The following DNASE1 variants were observed in gnomAD, a reference collection of about 807,000 sequenced individuals.
DNASE1 encodes deoxyribonuclease 1, also known as deoxyribonuclease-1.
DNASE1 carries 40 observed loss-of-function variants against 33.9 expected under a neutral mutation model. The observed-to-expected ratio is 1.18, with a 90% CI of 0.92 to 1.54. DNASE1 has a LOEUF of 1.54. DNASE1 is among the 40% of genes most tolerant of loss of function. DNASE1 has a pLI of 0.00. For missense variants in DNASE1, 518 were observed against 372.6 expected (o/e 1.39, Z -3.21); for synonymous variants, 216 against 160.0 (o/e 1.35, Z -2.64).
At chr16:3,616,245 A>T (rs896882091) in intron 1 of DNASE1, among the ~76,000 whole-genome samples, 1 of 152,168 alleles carries the variant, frequency 6.6e-6, no homozygotes, top group Non-Finnish European at 1.5e-5. Flanking sequence ...ACTCCCCCCA[A>T]AGCATCTACC....
intron 1 of DNASE1, among the ~76,000 whole-genome samples, chr16:3,646,214 TG>T (rs960520009): frequency 5.9e-5 from 9 of 151,512 alleles, no homozygotes; most frequent in South Asian, 2.1e-4. Context: ...GGTTTTTCTC[TG>T]GGGGGGGTCT....
chr16:3,654,851 C>G lies in DNASE1; in HGVS notation c.-195C>G. The G allele has an allele frequency of 2.5e-6, 1 of 407,262 alleles. No homozygotes were observed. Among genetic ancestry groups the G allele is most frequent in the Non-Finnish European group, 4.3e-6 (1 of 231,852 alleles). The allele number at this position is 407,262 out of a possible 1,614,324, so 25.2% of individuals were successfully genotyped here. The stretch of plus-strand genomic sequence containing the variant: ...CACAGCTGCCTGAACTTTTAAAACT[C>G]CCAGACACGCACTGCCTGTGCAGGA... On this transcript the variant is annotated 5_prime_UTR_variant, in exon 1 of 9. Coordinates refer to ENST00000246949, the MANE Select transcript of DNASE1 (RefSeq NM_005223.4).
downstream of DNASE1, chr16:3,658,627 C>A (rs150401264): frequency 3.5e-3 from 2,282 of 660,740 alleles, 37 homozygotes; most frequent in African/African-American, 0.036. Flanking sequence ...GAGCCAAGAT[C>A]GCGCCACTGC....
intron 1 of DNASE1, among the ~76,000 whole-genome samples, chr16:3,648,036 C>T (rs909359552): frequency 6.6e-6 from 1 of 152,046 alleles, no homozygotes; most frequent in Non-Finnish European, 1.5e-5. Flanking sequence ...GGCATGGTGG[C>T]GCACATCCGT....
downstream of DNASE1, chr16:3,661,930 C>G: frequency 6.6e-7 from 1 of 1,526,538 alleles, no homozygotes. Context: ...AAAAGAACAC[C>G]ACACACAGGA....
At chr16:3,643,509 T>C (rs1349513598) in intron 1 of DNASE1, among the ~76,000 whole-genome samples, 4 of 152,008 alleles carry the variant, frequency 2.6e-5, no homozygotes, top group African/African-American at 9.7e-5. Context: ...GTGGGTGGAG[T>C]TCCTGATTCA....
upstream of DNASE1, among the ~76,000 whole-genome samples, chr16:3,639,236 G>A (rs1201651764): frequency 3.9e-5 from 6 of 152,308 alleles, no homozygotes; most frequent in Non-Finnish European, 7.3e-5. Flanking sequence ...AGTGGAAAGC[G>A]TTGAGAGGAA....
chr16:3,661,919 C>G (rs2043099168), downstream of DNASE1: 1 of 1,505,880 alleles, frequency 6.6e-7, no homozygotes, highest in Non-Finnish European at 8.9e-7. Flanking sequence ...CATTCCACAA[C>G]AAAAGAACAC....
chr16:3,618,085 C>CAAA (rs71392849), intron 1 of DNASE1, among the ~76,000 whole-genome samples: 1 of 104,190 alleles, frequency 9.6e-6, no homozygotes, highest in Non-Finnish European at 2.1e-5. Flanking sequence ...AAGCCAAGAC[C>CAAA]AAAAAAAAAA....
intron 1 of DNASE1, among the ~76,000 whole-genome samples, chr16:3,649,164 TTTG>T (rs2042258537): frequency 6.6e-6 from 1 of 152,194 alleles, no homozygotes; most frequent in Admixed American, 6.6e-5. Flanking sequence ...GAGGCTGTCT[TTTG>T]TGATGTTAGC....
chr16:3,618,167 G>C (rs764463797), intron 1 of DNASE1, among the ~76,000 whole-genome samples: 24 of 149,486 alleles, frequency 1.6e-4, no homozygotes, highest in African/African-American at 2.2e-4. Flanking sequence ...ATGAAAAGAT[G>C]ATCAGCATCA....
chr16:3,615,024 A>G (rs1362125657), intron 1 of DNASE1, among the ~76,000 whole-genome samples: 1 of 152,076 alleles, frequency 6.6e-6, no homozygotes, highest in African/African-American at 2.4e-5. Context: ...TAGAAAAGAG[A>G]GTTTTCTTAA....
intron 1 of DNASE1, among the ~76,000 whole-genome samples, chr16:3,620,625 C>A (rs896791980): frequency 6.6e-6 from 1 of 151,986 alleles, no homozygotes; most frequent in Admixed American, 6.6e-5. Flanking sequence ...AAACATTCCC[C>A]TGTTGATAAA....
rs140071302 is a variant in DNASE1, at chr16:3,612,161, G to T, written c.-1359+155G>T. ...AGGGCCTGGGGGAAAGGTAGCAGAGGTTTGCCATGGCTTGGTATTTGAGGG... is the reference window on the plus strand; with the variant it reads ...AGGGCCTGGGGGAAAGGTAGCAGAGTTTTGCCATGGCTTGGTATTTGAGGG... On this transcript the variant is annotated intron_variant and NMD_transcript_variant, in intron 1 of 11. Coordinates refer to the DNASE1 transcript ENST00000570769. Among the ~76,000 whole-genome samples, 16 of 152,334 alleles carry T rather than the reference G, an allele frequency of 1.1e-4. No homozygotes were observed. The East Asian group carries it at 2.9e-3, about 28-fold the overall frequency.
At chr16:3,613,579 A>G (rs2040986147) in intron 1 of DNASE1, among the ~76,000 whole-genome samples, 1 of 152,186 alleles carries the variant, frequency 6.6e-6, no homozygotes. Context: ...TGGCTTGGAA[A>G]TCTAAGTTAG....
chr16:3,646,613 G>A (rs1195832576), intron 1 of DNASE1, among the ~76,000 whole-genome samples: 5 of 152,170 alleles, frequency 3.3e-5, no homozygotes, highest in East Asian at 1.9e-4. Flanking sequence ...TTAGAATCAC[G>A]TAGGTCATGG....
chr16:3,653,452 A>G (rs1023405629), upstream of DNASE1: 1 of 152,320 alleles, frequency 6.6e-6, no homozygotes, highest in South Asian at 2.1e-4. Flanking sequence ...TCACACTTGT[A>G]ATCCCAGCAT....
At position 3,654,751 on chromosome 16, in the gene DNASE1, C is replaced by G. The variant is rs2042485914; in HGVS notation, c.-295C>G. ...GAAAGAAACACGTGCTAGCAACCCA[C>G]CTATGCGGAAAGCCACACAGAGCCA... On this transcript the variant is annotated 5_prime_UTR_variant, in exon 1 of 9. Coordinates refer to ENST00000246949, the MANE Select transcript of DNASE1 (RefSeq NM_005223.4). 1 of 399,858 alleles carries G rather than the reference C, an allele frequency of 2.5e-6. No individual in the cohort carries two copies. The highest frequency in any genetic ancestry group is 4.4e-6 in the Non-Finnish European group (1 of 227,048). The allele number at this position is 399,858 out of a possible 1,614,324, so 24.8% of individuals were successfully genotyped here. A position where few individuals can be genotyped will look rare whatever the true frequency, so the allele number is the denominator to read the frequency against.
upstream of DNASE1, among the ~76,000 whole-genome samples, chr16:3,638,106 T>A (rs1362433540): frequency 3.1e-5 from 3 of 96,542 alleles, no homozygotes; most frequent in African/African-American, 7.5e-5. Context: ...TTTTTGTGAG[T>A]GTGTGTGTGT....
Sources: gnomAD v4.1 joint callset for allele counts (sites outside exome capture counted in the v4.1 genomes callset) on GRCh38, gnomAD v4.1.1 for gene constraint, MANE v1.5 for transcripts, NCBI Gene and HGNC (gene_info 2026-07-23, HGNC 2026-07-21) for gene names.